The following STX11 variants were observed in gnomAD, a reference collection of about 807,000 sequenced individuals.
The protein encoded by STX11 is syntaxin-11.
A neutral mutation model predicts 19.9 loss-of-function variants in STX11; 21 were observed. The observed-to-expected ratio is 1.06, with a 90% CI of 0.75 to 1.52. STX11 has a LOEUF of 1.52. Among genes scored for constraint, STX11 ranks in the 40% most tolerant of loss-of-function variants. STX11 has a pLI of 0.00. For missense variants in STX11, 438 were observed against 405.9 expected, an observed-to-expected ratio of 1.08 and a Z score of -0.68; for synonymous variants, 193 against 174.4, an observed-to-expected ratio of 1.11 and a Z score of -0.84.
chr6:144,144,624 G>A, the STX11 span, among the ~76,000 whole-genome samples: 936 of 152,240 alleles, frequency 6.1e-3, 44 homozygotes, highest in East Asian at 0.11. Flanking sequence ...TGGCTGTTAA[G>A]TACTTAAAAT....
chr6:144,188,485 G>C lies in STX11; in HGVS notation c.*994G>C, dbSNP rs974109357. ...TAAACAACTCTGCATTGGTTATGGCGGTAGACATATGGCGGTAGAAAATGT... is the reference window on the plus strand; with the variant it reads ...TAAACAACTCTGCATTGGTTATGGCCGTAGACATATGGCGGTAGAAAATGT... On this transcript the variant is annotated 3_prime_UTR_variant, in exon 2 of 2. Coordinates refer to ENST00000367568, the MANE Select transcript of STX11 (RefSeq NM_003764.4). 4.5e-6 allele frequency: 1 copy of C among 220,152 alleles called. No individual in the cohort carries two copies. Among genetic ancestry groups the C allele is most frequent in the East Asian group, 7.6e-5 (1 of 13,138 alleles). The allele number at this position is 220,152 out of a possible 1,614,324, so 13.6% of individuals were successfully genotyped here.
upstream of STX11, among the ~76,000 whole-genome samples, chr6:144,150,300 G>A (rs940607570): frequency 2.0e-5 from 3 of 152,248 alleles, no homozygotes; most frequent in African/African-American, 4.8e-5. Flanking sequence ...TCCCCGCGCC[G>A]GTCCGCGCAG....
In STX11 at chr6:144,155,192, A is replaced by C. The variant is rs1448722397; in HGVS notation, c.-6+4489A>C. Among the ~76,000 whole-genome samples, 1 of 152,130 alleles carries C rather than the reference A, an allele frequency of 6.6e-6. No homozygotes were observed. The highest frequency in any genetic ancestry group is 1.5e-5 in the Non-Finnish European group (1 of 68,032). On this transcript the variant is annotated intron_variant, in intron 1 of 1. Transcript: ENST00000367568. This position sits in a 1 kb window ranked among gnomAD's most constrained non-coding sequence, Gnocchi z 4.5. ...TGCCTTGGTTATCTTTTCCTCAAAG[A>C]CCTCGACTTTGGACCATGTAAGGTT...
rs190081956 is a variant in STX11, at chr6:144,190,978, G to A, written c.*3487G>A. 2.6e-5 allele frequency among the ~76,000 whole-genome samples: 4 copies of A among 152,184 alleles called. No homozygotes were observed. Reference sequence around the variant, plus strand: ...GTAGAGCTGGCTTTACCAATCTCATGATGCTTGCTTGGCAACTCTGAAAGG... The same window carrying A: ...GTAGAGCTGGCTTTACCAATCTCATAATGCTTGCTTGGCAACTCTGAAAGG... On this transcript the variant is annotated 3_prime_UTR_variant, in exon 2 of 2. Coordinates refer to ENST00000367568, the MANE Select transcript of STX11 (RefSeq NM_003764.4).
rs1188236214 is a variant in STX11, at chr6:144,182,302, C to T, written c.-5-4321C>T. Among the ~76,000 whole-genome samples, 1 of 152,158 alleles carries T rather than the reference C, an allele frequency of 6.6e-6. No homozygotes were observed. The highest frequency in any genetic ancestry group is 1.9e-4 in the East Asian group (1 of 5,192). On this transcript the variant is annotated intron_variant, in intron 1 of 1. Transcript: ENST00000367568. This position sits in a 1 kb window ranked among gnomAD's most constrained non-coding sequence, Gnocchi z 4.8. ...TTCGTTGACTTTCTGTTGTAGTTTT[C>T]CTAATGTTTGCTCCCTGGTGACCAG...
intron 1 of STX11, among the ~76,000 whole-genome samples, chr6:144,161,306 A>G (rs762269141): frequency 2.0e-5 from 3 of 152,362 alleles, no homozygotes; most frequent in Non-Finnish European, 4.4e-5. Flanking sequence ...ATCTGAAAAC[A>G]TTAACAGTTA....
At chr6:144,140,256 T>TA in the STX11 span, among the ~76,000 whole-genome samples, 1,267 of 72,712 alleles carry the variant, frequency 0.017, 29 homozygotes, top group Non-Finnish European at 0.03. Context: ...ATATATATAT[T>TA]TATTTATTTA....
intron 1 of STX11, 140 bp downstream of exon 1, chr6:144,150,843 T>A (rs1178208453): frequency 1.6e-6 from 1 of 621,502 alleles, no homozygotes; most frequent in Non-Finnish European, 2.0e-6. Flanking sequence ...GGATTTTGGA[T>A]CTGGCGCAGG....
At chr6:144,185,411 A>T (rs1411093909) in intron 1 of STX11, among the ~76,000 whole-genome samples, 1 of 152,240 alleles carries the variant, frequency 6.6e-6, no homozygotes, top group East Asian at 1.9e-4. Context: ...CTTTCTCATC[A>T]TGAAGTCTTG....
In STX11 at chr6:144,162,064, C is replaced by T. The variant is rs188808827; in HGVS notation, c.-6+11361C>T. ...CCTCTTTTCAGTTGGCTACCTCTAC[C>T]GCACTCTAGATTCTCTTTTACCCTG... On this transcript the variant is annotated intron_variant, in intron 1 of 1. Coordinates refer to ENST00000367568, the MANE Select transcript of STX11 (RefSeq NM_003764.4). The surrounding 1 kb of genome is among the most constrained non-coding windows in gnomAD (Gnocchi z 4.6). Among the ~76,000 whole-genome samples the T allele has an allele frequency of 7.9e-5, 12 of 152,238 alleles. 1 individual carries two copies. The highest frequency in any genetic ancestry group is 3.9e-4 in the East Asian group (2 of 5,190).
Position 144,165,241 on chromosome 6 carries a change from G to C in STX11, c.-6+14538G>C, listed in dbSNP as rs1018657461. On this transcript the variant is annotated intron_variant, in intron 1 of 1. Transcript: ENST00000367568. The surrounding 1 kb of genome is among the most constrained non-coding windows in gnomAD (Gnocchi z 5.8). ...AGGCTGAGGCGGGCAGATCACCTGA[G>C]GTTGGGAGTTTGAGACCAACCTGAC... Among the ~76,000 whole-genome samples the C allele has an allele frequency of 6.6e-6, 1 of 152,136 alleles. No individual in the cohort carries two copies. The highest frequency in any genetic ancestry group is 1.5e-5 in the Non-Finnish European group (1 of 67,986).
At position 144,182,946 on chromosome 6, in the gene STX11, C is replaced by G. The variant is rs986687114; in HGVS notation, c.-5-3677C>G. ...CTAACTTAAGCAGATGGGTACAGCTCAACTCTACGCAAACTAGCTAATGTG... is the reference window on the plus strand; with the variant it reads ...CTAACTTAAGCAGATGGGTACAGCTGAACTCTACGCAAACTAGCTAATGTG... On this transcript the variant is annotated intron_variant, in intron 1 of 1. Coordinates refer to ENST00000367568, the MANE Select transcript of STX11 (RefSeq NM_003764.4). The surrounding 1 kb of genome is among the most constrained non-coding windows in gnomAD (Gnocchi z 4.8). Among the ~76,000 whole-genome samples the G allele has an allele frequency of 6.6e-6, 1 of 152,222 alleles. No individual in the cohort carries two copies. The highest frequency in any genetic ancestry group is 2.4e-5 in the African/African-American group (1 of 41,450).
chr6:144,168,177 C>T (rs548484065), intron 1 of STX11, among the ~76,000 whole-genome samples: 3 of 152,278 alleles, frequency 2.0e-5, no homozygotes, highest in East Asian at 3.9e-4. Flanking sequence ...GTTGAGGGAC[C>T]AGAAAGTGGG....
In STX11 at chr6:144,180,657, T is replaced by C. The variant is rs541063706; in HGVS notation, c.-5-5966T>C. On this transcript the variant is annotated intron_variant, in intron 1 of 1. Transcript: ENST00000367568. This position sits in a 1 kb window ranked among gnomAD's most constrained non-coding sequence, Gnocchi z 5.3. Reference sequence around the variant, plus strand: ...GTACTATAAGTCCAATTAAACCTCTTTTCTTCCCAGTCTTGGGTATGTCTT... The same window carrying C: ...GTACTATAAGTCCAATTAAACCTCTCTTCTTCCCAGTCTTGGGTATGTCTT... 2.6e-5 allele frequency among the ~76,000 whole-genome samples: 4 copies of C among 152,260 alleles called. No homozygotes were observed. The highest frequency in any genetic ancestry group is 9.6e-5 in the African/African-American group (4 of 41,552).
chr6:144,156,316 G>A (rs1453126567), intron 1 of STX11, among the ~76,000 whole-genome samples: 4 of 151,966 alleles, frequency 2.6e-5, no homozygotes, highest in Admixed American at 6.6e-5. Flanking sequence ...AGCCCACCTC[G>A]GCCTCCCTGA....
chr6:144,151,163 A>G lies in STX11; in HGVS notation c.-6+460A>G. On this transcript the variant is annotated intron_variant, in intron 1 of 1. Coordinates refer to ENST00000367568, the MANE Select transcript of STX11 (RefSeq NM_003764.4). This position sits in a 1 kb window ranked among gnomAD's most constrained non-coding sequence, Gnocchi z 4.6. ...CTTGAACTTGGCGGTGTCACTCAGTAGCCAGGAAAGACGGAGAAATTGATA... is the reference window on the plus strand; with the variant it reads ...CTTGAACTTGGCGGTGTCACTCAGTGGCCAGGAAAGACGGAGAAATTGATA... The G allele has an allele frequency of 1.1e-6, 1 of 896,826 alleles. No homozygotes were observed. The highest frequency in any genetic ancestry group is 1.3e-6 in the Non-Finnish European group (1 of 749,146). 55.6% of individuals were successfully genotyped at this position (896,826 alleles called of 1,614,324 possible). A position where few individuals can be genotyped will look rare whatever the true frequency, so the allele number is the denominator to read the frequency against.
In STX11 at chr6:144,169,892, A is replaced by G. The variant is rs1801583092; in HGVS notation, c.-5-16731A>G. 6.6e-6 allele frequency among the ~76,000 whole-genome samples: 1 copy of G among 152,150 alleles called. No homozygotes were observed. The highest frequency in any genetic ancestry group is 2.1e-4 in the South Asian group (1 of 4,828). ...AGAGCCATAGTCTCACTATGTTGCT[A>G]GTATTGAACTCCTGGGCTCAAGTGA... On this transcript the variant is annotated intron_variant, in intron 1 of 1. Transcript: ENST00000367568. This position sits in a 1 kb window ranked among gnomAD's most constrained non-coding sequence, Gnocchi z 5.2.
chr6:144,181,572 G>A (rs941598974), intron 1 of STX11, among the ~76,000 whole-genome samples: 2 of 131,396 alleles, frequency 1.5e-5, no homozygotes, highest in African/African-American at 5.8e-5. Context: ...TCCAGCCTGG[G>A]CAACAGAGCA....
rs11356106 is a variant in STX11, at chr6:144,188,725, CTTTTTTTTTTT to C, written c.*1243_*1253del. ...ATTATTGTTAAAATTTTTCTTTTTC[CTTTTTTTTTTT>C]TTTTTTTTGAGATGGAGTCTCACTG... On this transcript the variant is annotated 3_prime_UTR_variant, in exon 2 of 2. Coordinates refer to ENST00000367568, the MANE Select transcript of STX11 (RefSeq NM_003764.4). Among the ~76,000 whole-genome samples the C allele has an allele frequency of 8.5e-6, 1 of 117,922 alleles. No homozygotes were observed. Among genetic ancestry groups the C allele is most frequent in the African/African-American group, 3.5e-5 (1 of 28,910 alleles). The allele number at this position is 117,922 out of a possible 152,430, so 77.4% of individuals were successfully genotyped here. A position where few individuals can be genotyped will look rare whatever the true frequency, so the allele number is the denominator to read the frequency against.
Sources: allele counts gnomAD v4.1 joint callset (sites outside exome capture counted in the v4.1 genomes callset), GRCh38; gene constraint gnomAD v4.1.1; non-coding constraint Gnocchi (gnomAD v3.1); transcripts MANE v1.5; gene names NCBI Gene and HGNC (gene_info 2026-07-23, HGNC 2026-07-21).